Variants in CLASP1 observed in about 807,000 individuals in gnomAD.
CLASP1 encodes CLIP-associating protein 1.
Under a neutral mutation model 192.3 loss-of-function variants are expected in CLASP1, and 38 were observed. The observed-to-expected ratio is 0.20, with a 90% confidence interval of 0.15 to 0.26. The LOEUF (loss-of-function observed/expected upper bound fraction) is 0.26, where lower values mean the gene tolerates loss of function less well. CLASP1 is among the 10% of genes least tolerant of loss of function. CLASP1 has a pLI of 1.00. For missense variants in CLASP1, 1,433 were observed against 1,932.5 expected (o/e 0.74, Z 4.85); for synonymous variants, 691 against 712.8 (o/e 0.97, Z 0.49).
intron 19 of CLASP1, among the ~76,000 whole-genome samples, chr2:121,430,698 ATG>A (rs897023722): frequency 2.2e-4 from 33 of 152,188 alleles, no homozygotes; most frequent in Admixed American, 5.9e-4. Flanking sequence ...CAGTGAATAA[ATG>A]TGTTTTTGAT....
In CLASP1 at chr2:121,462,457, AG is replaced by A; in HGVS notation, c.939+74del. On this transcript the variant is annotated intron_variant, in intron 10 of 39. Coordinates refer to ENST00000263710, the Ensembl canonical transcript of CLASP1. ...CCTGACCTAGTAAACAACATTACATAGGCAGAATTGAAAAATAAAACTTGAA... is the reference window on the plus strand; with the variant it reads ...CCTGACCTAGTAAACAACATTACATAGCAGAATTGAAAAATAAAACTTGAA... The A allele has an allele frequency of 4.9e-6, 4 of 820,998 alleles. No individual in the cohort carries two copies. In the South Asian group the frequency reaches 6.4e-5, roughly 13 times the overall value. 50.9% of individuals were successfully genotyped at this position (820,998 alleles called of 1,614,324 possible).
chr2:121,447,477 G>A (rs915852110), exon 19 of CLASP1: 4 of 1,554,776 alleles, frequency 2.6e-6, no homozygotes, highest in African/African-American at 1.4e-5. Context: ...GGACCCAGTC[G>A]TTGACACAGA....
rs1172354167 is a variant in CLASP1 at position 121,528,666 on chromosome 2, C to A, written c.378+11G>T. The A allele has an allele frequency of 6.2e-7, 1 of 1,613,166 alleles. No homozygotes were observed. The highest frequency in any genetic ancestry group is 8.5e-7 in the Non-Finnish European group (1 of 1,179,104). On this transcript the variant is annotated intron_variant, in intron 4 of 39. Transcript: ENST00000263710. ...GGCCAGCTGACCTCAAAACACATCT[C>A]TTGCCCCTACCTGGGGATTAGCAGC...
intron 8 of CLASP1, among the ~76,000 whole-genome samples, chr2:121,475,582 T>G (rs549434616): frequency 3.3e-5 from 5 of 152,306 alleles, no homozygotes; most frequent in Admixed American, 3.3e-4. Flanking sequence ...TACTAGCCAT[T>G]TGGATTCCCA....
chr2:121,557,267 T>C (rs10210974), intron 2 of CLASP1, among the ~76,000 whole-genome samples: 38,524 of 152,062 alleles, frequency 0.25, 7,809 homozygotes, highest in African/African-American at 0.56. Context: ...AAGCAGTGGC[T>C]TCTGAACTTT....
intron 8 of CLASP1, among the ~76,000 whole-genome samples, chr2:121,478,976 ACACACAC>A (rs1424208960): frequency 1.9e-5 from 1 of 51,302 alleles, no homozygotes; most frequent in Non-Finnish European, 3.6e-5. Flanking sequence ...CACACACCAC[ACACACAC>A]CACACACCCC....
intron 1 of CLASP1, among the ~76,000 whole-genome samples, chr2:121,619,759 C>A (rs1225125196): frequency 6.6e-6 from 1 of 152,088 alleles, no homozygotes; most frequent in East Asian, 1.9e-4. Flanking sequence ...TCTATTTTTT[C>A]TCCTCCTGTG....
intron 1 of CLASP1, among the ~76,000 whole-genome samples, chr2:121,648,713 G>A (rs1047057993): frequency 6.6e-6 from 1 of 152,218 alleles, no homozygotes; most frequent in Non-Finnish European, 1.5e-5. Context: ...ACAAAGGCAA[G>A]TTGAGAAGTC....
At chr2:121,395,654 T>C (rs1574282483) in intron 30 of CLASP1, among the ~76,000 whole-genome samples, 2 of 152,242 alleles carry the variant, frequency 1.3e-5, no homozygotes, top group South Asian at 2.1e-4. Context: ...AGGATGAATC[T>C]TATCTTCTCT....
intron 2 of CLASP1, among the ~76,000 whole-genome samples, chr2:121,540,786 A>G (rs1162019753): frequency 4.8e-5 from 7 of 144,430 alleles, no homozygotes; most frequent in Non-Finnish European, 1.1e-4. Context: ...GACTCCATCC[A>G]AAAAAAAAAA....
intron 2 of CLASP1, among the ~76,000 whole-genome samples, chr2:121,575,711 A>G (rs1355782849): frequency 1.3e-5 from 2 of 152,230 alleles, no homozygotes; most frequent in Non-Finnish European, 2.9e-5. Flanking sequence ...AAACATGAAA[A>G]CGAAAAGTAA....
Position 121,449,709 on chromosome 2 carries a change from T to C in CLASP1, c.1524-589A>G, listed in dbSNP as rs1236804030. On this transcript the variant is annotated intron_variant, in intron 16 of 39. Coordinates refer to ENST00000263710, the Ensembl canonical transcript of CLASP1. ...TTTAGCAACGATTAATTATATCACT[T>C]ATTTTGGTAGAAACTAGCAAAGAAA... Among the ~76,000 whole-genome samples, 3 of 152,168 alleles carry C rather than the reference T, an allele frequency of 2.0e-5. No homozygotes were observed. In the South Asian group the frequency reaches 6.2e-4, roughly 32 times the overall value.
chr2:121,486,378 GTCAACAACTAAAATT>G (rs1260686134), intron 8 of CLASP1, among the ~76,000 whole-genome samples: 1 of 152,186 alleles, frequency 6.6e-6, no homozygotes. Flanking sequence ...ACTTCCAGAA[GTCAACAACTAAAATT>G]TCAACACCTT....
rs375559801 is a variant in CLASP1, at chr2:121,423,593, AAGAC to A, written c.2212+1542_2212+1545del. On this transcript the variant is annotated intron_variant, in intron 22 of 39. Coordinates refer to ENST00000263710, the Ensembl canonical transcript of CLASP1. ...AAACTTAAACAATTAACTATGGAAA[AAGAC>A]AGCTAAAACATAACACCTAGATTTA... Among the ~76,000 whole-genome samples, 748 of 152,368 alleles carry A rather than the reference AAGAC, an allele frequency of 4.9e-3. 8 individuals carry two copies. Among genetic ancestry groups the A allele is most frequent in the African/African-American group, 0.017 (725 of 41,594 alleles).
chr2:121,465,151 T>C (rs977210736), intron 9 of CLASP1, among the ~76,000 whole-genome samples: 2 of 152,078 alleles, frequency 1.3e-5, no homozygotes, highest in African/African-American at 4.8e-5. Flanking sequence ...TTCAACACAG[T>C]GTTAGAAGTT....
intron 39 of CLASP1, among the ~76,000 whole-genome samples, chr2:121,345,295 T>C (rs1358621883): frequency 6.6e-6 from 1 of 152,212 alleles, no homozygotes; most frequent in African/African-American, 2.4e-5. Flanking sequence ...ATGTGGGTTC[T>C]GGACCCAAAG....
chr2:121,397,368 A>G (rs1205572662), intron 29 of CLASP1, 85 bp from the exon 31 acceptor site: 1 of 1,198,386 alleles, frequency 8.3e-7, no homozygotes, highest in Non-Finnish European at 1.2e-6. Context: ...AGAAAAGTAA[A>G]CCCTGGTGAG....
At chr2:121,353,360 A>G (rs1210509231) in intron 37 of CLASP1, among the ~76,000 whole-genome samples, 3 of 152,108 alleles carry the variant, frequency 2.0e-5, no homozygotes, top group Admixed American at 2.0e-4. Context: ...TGTTCTAAGA[A>G]TGGGTAACAC....
At chr2:121,400,028 C>G (rs1193537390) in intron 28 of CLASP1, among the ~76,000 whole-genome samples, 7 of 152,192 alleles carry the variant, frequency 4.6e-5, no homozygotes, top group African/African-American at 1.4e-4. Flanking sequence ...CCTATCTACT[C>G]CACTCAATTA....
Sources: gnomAD v4.1 joint callset for allele counts (sites outside exome capture counted in the v4.1 genomes callset) on GRCh38, gnomAD v4.1.1 for gene constraint, MANE v1.5 for transcripts, NCBI Gene and HGNC (gene_info 2026-07-23, HGNC 2026-07-21) for gene names.